LIFR: variants seen among roughly 807,000 people sequenced by gnomAD.
The protein encoded by LIFR is LIF receptor subunit alpha.
LIFR carries 84 observed loss-of-function variants against 122.2 expected under a neutral mutation model. That is an observed-to-expected ratio of 0.69 (90% CI 0.58 to 0.82). The LOEUF is 0.82. Ranked by LOEUF, LIFR falls within the 40% of genes least tolerant of loss-of-function variation. The pLI is 0.00. For missense variants in LIFR, 1,294 were observed against 1,311.6 expected (o/e 0.99, Z 0.21); for synonymous variants, 422 against 434.7 (o/e 0.97, Z 0.36).
chr5:38,510,642 A>G lies in LIFR; in HGVS notation c.813T>C (p.Cys271=). ...ILVGSDITFC[C]VSQEKVLSAL... is the part of the protein sequence containing the mutation. ...CTGATAACACTTTTTCTTGACTCAC[A>G]CAACAAAATGTTATGTCTGAGCCTA... Residue 271 remains cysteine (C), a synonymous_variant, in exon 7 of 20, where the codon TGT becomes TGC. Coordinates refer to ENST00000453190, the MANE Select transcript of LIFR (RefSeq NM_001127671.2). The G allele has an allele frequency of 6.2e-7, 1 of 1,613,992 alleles. No individual in the cohort carries two copies. The highest frequency in any genetic ancestry group is 8.5e-7 in the Non-Finnish European group (1 of 1,179,910).
intron 1 of LIFR, among the ~76,000 whole-genome samples, chr5:38,593,109 G>A (rs556413386): frequency 1.3e-5 from 2 of 152,092 alleles, no homozygotes; most frequent in Admixed American, 6.5e-5. Context: ...AGGCTGAGGC[G>A]GGAGAATCCC....
intron 14 of LIFR, among the ~76,000 whole-genome samples, chr5:38,493,131 A>G (rs1744687159): frequency 6.6e-6 from 1 of 152,024 alleles, no homozygotes; most frequent in Non-Finnish European, 1.5e-5. Flanking sequence ...CTTTGTGCTC[A>G]GTCTCTCCCT....
rs1175806450 is a variant in LIFR at position 38,484,049 on chromosome 5, TGAAG to T, written c.2591+722_2591+725del. On this transcript the variant is annotated intron_variant, in intron 18 of 19. Transcript: ENST00000453190. ...GGCACACAGCTCCTCCCACTTTCTCTGAAGGTTTGACTCTTTCCAATTTCAGGGC... is the reference window on the plus strand; with the variant it reads ...GGCACACAGCTCCTCCCACTTTCTCTGTTTGACTCTTTCCAATTTCAGGGC... Among the ~76,000 whole-genome samples, 15 of 152,290 alleles carry T rather than the reference TGAAG, an allele frequency of 9.8e-5. No individual in the cohort carries two copies. In the East Asian group the frequency reaches 2.9e-3, roughly 29 times the overall value.
At chr5:38,549,252 T>TAC (rs58706799) in intron 1 of LIFR, among the ~76,000 whole-genome samples, 3,981 of 147,856 alleles carry the variant, frequency 0.027, 88 homozygotes, top group East Asian at 0.062. Flanking sequence ...TAGAAAATTG[T>TAC]ACACACACAC....
At position 38,501,993 on chromosome 5, in the gene LIFR, T is replaced by TA. The variant is rs200206830; in HGVS notation, c.1600+643dup. On this transcript the variant is annotated intron_variant, in intron 11 of 19. Transcript: ENST00000453190. ...TTTTTTAGTAATTGTTTTTTTTTTT[T>TA]AAAAAAAAGGCCAATGAGTTAAAAG... Among the ~76,000 whole-genome samples, 2,096 of 149,478 alleles carry TA rather than the reference T, an allele frequency of 0.014. 169 individuals carry two copies. In the East Asian group the frequency reaches 0.24, roughly 17 times the overall value.
chr5:38,534,475 AAGG>A (rs559928929), intron 1 of LIFR, among the ~76,000 whole-genome samples: 260 of 152,348 alleles, frequency 1.7e-3, no homozygotes, highest in Admixed American at 4.4e-3. Flanking sequence ...GTGATGTTTC[AAGG>A]AGATTAACTA....
At chr5:38,491,815 G>A (rs1307454058) in intron 14 of LIFR, among the ~76,000 whole-genome samples, 1 of 152,200 alleles carries the variant, frequency 6.6e-6, no homozygotes, top group South Asian at 2.1e-4. Context: ...CTCAAGCTCA[G>A]CCAACTGTGT....
intron 1 of LIFR, among the ~76,000 whole-genome samples, chr5:38,565,466 T>C (rs1748988819): frequency 2.0e-5 from 3 of 151,926 alleles, no homozygotes; most frequent in Admixed American, 2.0e-4. Flanking sequence ...GGTAAATTCC[T>C]ACATGAAGGA....
At chr5:38,581,528 G>A (rs1363468377) in intron 1 of LIFR, among the ~76,000 whole-genome samples, 1 of 152,162 alleles carries the variant, frequency 6.6e-6, no homozygotes, top group Non-Finnish European at 1.5e-5. Flanking sequence ...TGTCTTGGAG[G>A]TTTTCAACAG....
rs751928680 is a variant in LIFR, at chr5:38,511,860, G to A, written c.666C>T (p.Cys222=). 3 of 1,613,846 alleles carry A rather than the reference G, an allele frequency of 1.9e-6. No individual in the cohort carries two copies. Among genetic ancestry groups the A allele is most frequent in the South Asian group, 2.2e-5 (2 of 91,080 alleles). Residue 222 remains cysteine (C), a synonymous_variant, in exon 6 of 20, where the codon TGC becomes TGT. Coordinates refer to ENST00000453190, the MANE Select transcript of LIFR (RefSeq NM_001127671.2). Reference sequence around the variant, plus strand: ...CAGAAAAATGAAGATTGTCAATGTAGCATCTAATTTCCACAAAATGAATGG... The same window carrying A: ...CAGAAAAATGAAGATTGTCAATGTAACATCTAATTTCCACAAAATGAATGG... ...ECAIHFVEIR[C]YIDNLHFSGL...
chr5:38,496,228 T>A (rs940309318), intron 13 of LIFR, among the ~76,000 whole-genome samples, 154 bp downstream of exon 13: 1 of 152,230 alleles, frequency 6.6e-6, no homozygotes, highest in Non-Finnish European at 1.5e-5. Context: ...TCTTTCTCAA[T>A]GAACTGTAGA....
rs761943146 is a variant in LIFR, at chr5:38,505,917, T to C, written c.1279A>G (p.Ile427Val). ...GRSQSTILVN[I>V]TEKVYPHTPT... is the part of the protein sequence containing the mutation. The stretch of plus-strand genomic sequence containing the variant: ...ATGTACAGCTTACCTTTTTCAGTTA[T>C]ATTAACTAAAATTGTTGATTGTGAT... The change falls in exon 9 of 20, where the codon ATA (isoleucine) becomes GTA (valine). Residue 427 changes from isoleucine (I) to valine (V), a missense_variant. Transcript: ENST00000453190. The C allele has an allele frequency of 2.5e-6, 4 of 1,604,540 alleles. No homozygotes were observed. The African/African-American group carries it at 4.0e-5, about 16-fold the overall frequency.
At position 38,477,337 on chromosome 5, in the gene LIFR, TTTC is replaced by T. The variant is rs1743772267; in HGVS notation, c.*4255_*4257del. 9.2e-6 allele frequency: 2 copies of T among 216,652 alleles called. No individual in the cohort carries two copies. Among genetic ancestry groups the T allele is most frequent in the African/African-American group, 4.5e-5 (2 of 44,460 alleles). The allele number at this position is 216,652 out of a possible 1,614,324, so 13.4% of individuals were successfully genotyped here. A position where few individuals can be genotyped will look rare whatever the true frequency, so the allele number is the denominator to read the frequency against. Reference sequence around the variant, plus strand: ...TTCTGTAACTTTGGCCATAAATCATTTTCTTCTATGAAAATTTTCTTCTAGAAT... The same window carrying T: ...TTCTGTAACTTTGGCCATAAATCATTTTCTATGAAAATTTTCTTCTAGAAT... On this transcript the variant is annotated 3_prime_UTR_variant, in exon 20 of 20. Coordinates refer to ENST00000453190, the MANE Select transcript of LIFR (RefSeq NM_001127671.2).
intron 5 of LIFR, among the ~76,000 whole-genome samples, chr5:38,517,498 AATTAGATT>A (rs1746147158): frequency 6.6e-6 from 1 of 152,160 alleles, no homozygotes; most frequent in African/African-American, 2.4e-5. Flanking sequence ...GCTAGCTGCA[AATTAGATT>A]AACAGACAAG....
intron 1 of LIFR, among the ~76,000 whole-genome samples, chr5:38,547,553 A>C (rs1747963353): frequency 6.6e-6 from 1 of 152,156 alleles, no homozygotes; most frequent in African/African-American, 2.4e-5. Flanking sequence ...TCCAAGACGT[A>C]TCTTTCACGA....
At chr5:38,607,200 A>G (rs1750346700) in intron 1 of LIFR, among the ~76,000 whole-genome samples, 1 of 152,264 alleles carries the variant, frequency 6.6e-6, no homozygotes, top group East Asian at 1.9e-4. Flanking sequence ...GAATCGTCTT[A>G]TATTTGTTGG....
chr5:38,519,360 T>C (rs11739017), intron 5 of LIFR, among the ~76,000 whole-genome samples: 48,052 of 152,104 alleles, frequency 0.32, 8,874 homozygotes, highest in Middle Eastern at 0.43. Flanking sequence ...ATAGTATTTA[T>C]GGGATACATG....
intron 5 of LIFR, among the ~76,000 whole-genome samples, chr5:38,516,974 G>A (rs2589639): frequency 0.037 from 5,695 of 151,934 alleles, 368 homozygotes; most frequent in African/African-American, 0.13. Flanking sequence ...ACCAAACACC[G>A]CATGTTCTCA....
intron 4 of LIFR, among the ~76,000 whole-genome samples, chr5:38,526,415 CTG>C (rs34077685): frequency 0.022 from 3,275 of 147,970 alleles, 48 homozygotes; most frequent in Admixed American, 0.049. Context: ...ACAAACTTTA[CTG>C]TGTGTGTGTG....
Sources: allele counts gnomAD v4.1 joint callset (sites outside exome capture counted in the v4.1 genomes callset), GRCh38; gene constraint gnomAD v4.1.1; transcripts MANE v1.5; gene names NCBI Gene and HGNC (gene_info 2026-07-23, HGNC 2026-07-21).